The following SBF2 variants were observed in gnomAD, a reference collection of about 807,000 sequenced individuals.
SBF2 encodes myotubularin-related protein 13.
SBF2 carries 112 observed loss-of-function variants against 225.2 expected under a neutral mutation model. The observed-to-expected ratio is 0.50, with a 90% CI of 0.43 to 0.58. The LOEUF (loss-of-function observed/expected upper bound fraction) is 0.58, where lower values mean the gene tolerates loss of function less well. Ranked by LOEUF, SBF2 falls within the 20% of genes least tolerant of loss-of-function variation. The pLI is 0.00. For synonymous variants in SBF2, 763 were observed against 773.3 expected, an observed-to-expected ratio of 0.99 and a Z score of 0.22; for missense variants, 1,996 against 2,206.2, an observed-to-expected ratio of 0.90 and a Z score of 1.91.
intron 16 of SBF2, chr11:9,956,728 G>C (rs1007314844): frequency 6.6e-6 from 1 of 152,122 alleles, no homozygotes; most frequent in Non-Finnish European, 1.5e-5. Context: ...CTGGCCCCCT[G>C]AAGCAAACAC....
At chr11:9,802,464 C>T (rs1438668059) in intron 32 of SBF2, among the ~76,000 whole-genome samples, 1 of 152,200 alleles carries the variant, frequency 6.6e-6, no homozygotes, top group Admixed American at 6.5e-5. Flanking sequence ...CAAGCCTAGG[C>T]ATATGTCCAT....
intron 1 of SBF2, among the ~76,000 whole-genome samples, chr11:10,301,648 T>G (rs1182468224): frequency 6.6e-6 from 1 of 152,228 alleles, no homozygotes; most frequent in Non-Finnish European, 1.5e-5. Context: ...TCATTGATAT[T>G]TATTATTTTT....
At chr11:10,295,801 A>C (rs1964505873), upstream of SBF2, among the ~76,000 whole-genome samples, 1 of 152,056 alleles carries the variant, frequency 6.6e-6, no homozygotes, top group Non-Finnish European at 1.5e-5. Flanking sequence ...TGCTCTCCGG[A>C]ACTATCCAGA....
chr11:9,899,190 A>T (rs958697453), intron 16 of SBF2, among the ~76,000 whole-genome samples: 1 of 152,044 alleles, frequency 6.6e-6, no homozygotes, highest in African/African-American at 2.4e-5. Context: ...GTTGGAAAGG[A>T]GAGCAATAAA....
At chr11:10,028,029 C>T (rs1949112211) in intron 6 of SBF2, among the ~76,000 whole-genome samples, 1 of 152,150 alleles carries the variant, frequency 6.6e-6, no homozygotes, top group South Asian at 2.1e-4. Flanking sequence ...TCTACCTCAG[C>T]CTCCCTAGTA....
chr11:10,203,972 AT>A (rs1165408316), intron 1 of SBF2, among the ~76,000 whole-genome samples: 2 of 152,012 alleles, frequency 1.3e-5, no homozygotes, highest in Non-Finnish European at 2.9e-5. Context: ...TAATGGCCAA[AT>A]TTAATGAAAT....
chr11:10,194,087 G>T, intron 1 of SBF2, 100 bp from the exon 2 acceptor site: 1 of 850,540 alleles, frequency 1.2e-6, no homozygotes, highest in Non-Finnish European at 2.0e-6. Context: ...TGGTAAATAA[G>T]TTAATAAACT....
intron 2 of SBF2, among the ~76,000 whole-genome samples, chr11:10,058,060 GA>G (rs1950312841): frequency 2.0e-5 from 3 of 152,204 alleles, no homozygotes; most frequent in African/African-American, 2.4e-5. Context: ...ACAGAGATGA[GA>G]AAGAACAGTG....
chr11:9,997,326 A>C (rs1947747194), intron 9 of SBF2, among the ~76,000 whole-genome samples: 1 of 152,254 alleles, frequency 6.6e-6, no homozygotes, highest in Non-Finnish European at 1.5e-5. Flanking sequence ...CAGTAAAACA[A>C]AATACTGTTT....
chr11:10,294,122 G>A lies in SBF2; in HGVS notation c.-53C>T, dbSNP rs1453288311. The A allele has an allele frequency of 6.3e-6, 8 of 1,276,292 alleles. No individual in the cohort carries two copies. Among genetic ancestry groups the A allele is most frequent in the East Asian group, 3.2e-5 (1 of 31,120 alleles). The allele number at this position is 1,276,292 out of a possible 1,614,324, so 79.1% of individuals were successfully genotyped here. A position where few individuals can be genotyped will look rare whatever the true frequency, so the allele number is the denominator to read the frequency against. ...GGTCCCCGTCGCCGCCCTCGCCGCC[G>A]CCGCCCACCCGGCCCGGGAGGGCTC... On this transcript the variant is annotated 5_prime_UTR_variant, in exon 1 of 40. Coordinates refer to ENST00000256190, the MANE Select transcript of SBF2 (RefSeq NM_030962.4).
At chr11:9,809,090 A>C in intron 30 of SBF2, 88 bp from the exon 31 acceptor site, 10 of 938,050 alleles carry the variant, frequency 1.1e-5, no homozygotes, top group Admixed American at 1.8e-5. Flanking sequence ...TGGATAATCA[A>C]ACGACTTAGG....
intron 2 of SBF2, among the ~76,000 whole-genome samples, chr11:10,188,963 C>G (rs934733991): frequency 3.9e-5 from 6 of 152,206 alleles, no homozygotes; most frequent in Non-Finnish European, 8.8e-5. Flanking sequence ...AGCCTCAACT[C>G]TATGCCAAAT....
At chr11:10,165,289 T>C (rs1955902259) in intron 2 of SBF2, among the ~76,000 whole-genome samples, 1 of 152,192 alleles carries the variant, frequency 6.6e-6, no homozygotes, top group African/African-American at 2.4e-5. Flanking sequence ...AATGCATTGC[T>C]ATTGGTATTT....
chr11:9,925,766 A>G (rs1863985389), intron 16 of SBF2, among the ~76,000 whole-genome samples: 1 of 152,190 alleles, frequency 6.6e-6, no homozygotes, highest in South Asian at 2.1e-4. Flanking sequence ...TTATAGTCCT[A>G]AAGTTATAGA....
intron 2 of SBF2, among the ~76,000 whole-genome samples, chr11:10,125,117 A>G (rs1953687760): frequency 6.6e-6 from 1 of 151,188 alleles, no homozygotes; most frequent in African/African-American, 2.4e-5. Context: ...TCAAAAAAAA[A>G]AAAAAAAAAA....
chr11:10,053,659 G>A (rs570720403), intron 2 of SBF2, among the ~76,000 whole-genome samples: 2 of 152,164 alleles, frequency 1.3e-5, no homozygotes, highest in African/African-American at 4.8e-5. Context: ...GGAGGCTGAG[G>A]CCAGAGGACC....
At chr11:10,156,021 C>A (rs954870446) in intron 2 of SBF2, among the ~76,000 whole-genome samples, 71 of 152,184 alleles carry the variant, frequency 4.7e-4, no homozygotes, top group Non-Finnish European at 4.0e-4. Context: ...TGCTACCAGG[C>A]ACAGCTGCAG....
In SBF2 at chr11:10,303,505, G is replaced by C. The variant is rs947642808; in HGVS notation, n.386+987C>G. 7 of 152,336 alleles carry C rather than the reference G, an allele frequency of 4.6e-5. No individual in the cohort carries two copies. The East Asian group carries it at 1.3e-3, about 29-fold the overall frequency. 9.4% of individuals were successfully genotyped at this position (152,336 alleles called of 1,614,324 possible). A position where few individuals can be genotyped will look rare whatever the true frequency, so the allele number is the denominator to read the frequency against. On this transcript the variant is annotated intron_variant and non_coding_transcript_variant, in intron 1 of 5. Transcript: ENST00000685217. This position sits in a 1 kb window ranked among gnomAD's most constrained non-coding sequence, Gnocchi z 5.2. ...ACAGACCACTCTGGGCAAGGTCCGC[G>C]CGACCCACTGCCCAGCCGCCTTTGC...
intron 1 of SBF2, among the ~76,000 whole-genome samples, chr11:10,233,297 T>A (rs989408723): frequency 1.3e-5 from 2 of 152,160 alleles, no homozygotes; most frequent in Admixed American, 1.3e-4. Context: ...TCTTCACATG[T>A]ATCATAAGTA....
Sources: gnomAD v4.1 joint callset for allele counts (sites outside exome capture counted in the v4.1 genomes callset) on GRCh38, gnomAD v4.1.1 for gene constraint, Gnocchi (gnomAD v3.1) non-coding constraint, MANE v1.5 for transcripts, NCBI Gene and HGNC (gene_info 2026-07-23, HGNC 2026-07-21) for gene names.